SCRG1: variants seen among roughly 807,000 people sequenced by gnomAD.
SCRG1 encodes the protein stimulator of chondrogenesis 1.
A neutral mutation model predicts 7.7 loss-of-function variants in SCRG1; 3 were observed. That is an observed-to-expected ratio of 0.39 (90% CI 0.18 to 1.01). The LOEUF (loss-of-function observed/expected upper bound fraction) is 1.01, where lower values mean the gene tolerates loss of function less well. SCRG1 is among the 50% of genes least tolerant of loss of function. The pLI, the probability that SCRG1 is intolerant of heterozygous loss-of-function variation, is 0.36. For synonymous variants in SCRG1, 46 were observed against 41.2 expected (o/e 1.12, Z -0.44); for missense variants, 110 against 117.2 (o/e 0.94, Z 0.28).
chr4:173,422,705 G>A, the SCRG1 span, among the ~76,000 whole-genome samples: 1 of 152,150 alleles, frequency 6.6e-6, no homozygotes, highest in Non-Finnish European at 1.5e-5. Context: ...AAAACCATTT[G>A]AAAAGGGACA....
the SCRG1 span, among the ~76,000 whole-genome samples, chr4:173,494,922 G>A: frequency 6.6e-6 from 1 of 152,182 alleles, no homozygotes; most frequent in Non-Finnish European, 1.5e-5. Context: ...CCTATTCTGC[G>A]TAAACTTCTT....
chr4:173,454,677 A>G, the SCRG1 span, among the ~76,000 whole-genome samples: 1 of 152,258 alleles, frequency 6.6e-6, no homozygotes, highest in African/African-American at 2.4e-5. Flanking sequence ...TTTTGGGATC[A>G]GGCACTTCCC....
the SCRG1 span, among the ~76,000 whole-genome samples, chr4:173,515,434 A>AC: frequency 6.6e-6 from 1 of 151,140 alleles, no homozygotes; most frequent in South Asian, 2.1e-4. This position sits in a 1 kb window ranked among gnomAD's most constrained non-coding sequence, Gnocchi z 4.6. Context: ...AAAAAAAAAA[A>AC]CTTTAAGTTC....
the SCRG1 span, among the ~76,000 whole-genome samples, chr4:173,443,901 C>A: frequency 6.7e-6 from 1 of 149,962 alleles, no homozygotes. Context: ...GTCATATATA[C>A]TGTTAGCTTT....
upstream of SCRG1, among the ~76,000 whole-genome samples, chr4:173,402,380 T>C (rs1023813385): frequency 4.7e-4 from 72 of 152,238 alleles, 1 homozygote; most frequent in Admixed American, 4.6e-3. Flanking sequence ...AGAAACATTT[T>C]ATACAGAATT....
At chr4:173,425,010 G>A in the SCRG1 span, among the ~76,000 whole-genome samples, 5 of 152,268 alleles carry the variant, frequency 3.3e-5, no homozygotes, top group Admixed American at 3.3e-4. Flanking sequence ...TGTAGAAATT[G>A]TCAGTCATCA....
the SCRG1 span, among the ~76,000 whole-genome samples, chr4:173,442,455 C>A: frequency 6.6e-6 from 1 of 152,190 alleles, no homozygotes; most frequent in Admixed American, 6.5e-5. Flanking sequence ...TGCTCCCTGT[C>A]TAGTTCTCAT....
the SCRG1 span, among the ~76,000 whole-genome samples, chr4:173,463,524 T>A: frequency 6.6e-6 from 1 of 152,282 alleles, no homozygotes; most frequent in Admixed American, 6.5e-5. Context: ...TCTGCCCACC[T>A]TGGTTTTTAA....
the SCRG1 span, among the ~76,000 whole-genome samples, chr4:173,498,783 G>A: frequency 6.6e-6 from 1 of 152,176 alleles, no homozygotes; most frequent in Non-Finnish European, 1.5e-5. Context: ...TATACACACG[G>A]AGAGACAGAT....
At chr4:173,509,236 C>T in the SCRG1 span, among the ~76,000 whole-genome samples, 61,927 of 151,882 alleles carry the variant, frequency 0.41, 15,065 homozygotes, top group East Asian at 0.58. This position sits in a 1 kb window ranked among gnomAD's most constrained non-coding sequence, Gnocchi z 5.7. Context: ...GAGAGGGTTG[C>T]GCGCGCGCGT....
At chr4:173,512,079 C>T in the SCRG1 span, among the ~76,000 whole-genome samples, 2 of 152,346 alleles carry the variant, frequency 1.3e-5, no homozygotes, top group East Asian at 3.9e-4. Flanking sequence ...AGAGGCTGGC[C>T]AACATATGCA....
At chr4:173,423,666 T>A in the SCRG1 span, among the ~76,000 whole-genome samples, 8,684 of 52,724 alleles carry the variant, frequency 0.16, 754 homozygotes, top group African/African-American at 0.28. Context: ...CTCTTTTTTT[T>A]TAATTTTTTT....
At chr4:173,425,540 G>T in the SCRG1 span, among the ~76,000 whole-genome samples, 1 of 152,162 alleles carries the variant, frequency 6.6e-6, no homozygotes. Context: ...TCCCTAGGGG[G>T]CAGGTATGAT....
At chr4:173,448,597 A>T in the SCRG1 span, among the ~76,000 whole-genome samples, 5 of 152,248 alleles carry the variant, frequency 3.3e-5, no homozygotes, top group Admixed American at 6.5e-5. Context: ...CTCTAGCCTT[A>T]ACATCAGCAA....
At chr4:173,495,532 T>G in the SCRG1 span, among the ~76,000 whole-genome samples, 2 of 152,226 alleles carry the variant, frequency 1.3e-5, no homozygotes, top group Non-Finnish European at 2.9e-5. Flanking sequence ...ATGGGAAATA[T>G]GGGTTTGCAT....
chr4:173,506,635 T>A, the SCRG1 span, among the ~76,000 whole-genome samples: 1 of 152,120 alleles, frequency 6.6e-6, no homozygotes, highest in African/African-American at 2.4e-5. The surrounding 1 kb of genome is among the most constrained non-coding windows in gnomAD (Gnocchi z 5.3). Context: ...GCAGATTTTA[T>A]TACTTCTCTT....
the SCRG1 span, among the ~76,000 whole-genome samples, chr4:173,493,325 G>A: frequency 6.6e-6 from 1 of 152,062 alleles, no homozygotes; most frequent in Non-Finnish European, 1.5e-5. Context: ...GTTCTACCAT[G>A]GTAAGACGTG....
the SCRG1 span, among the ~76,000 whole-genome samples, chr4:173,482,612 G>A: frequency 6.6e-5 from 10 of 151,952 alleles, no homozygotes; most frequent in African/African-American, 2.4e-4. Context: ...GAGGTGAGAA[G>A]TTTGAGACCA....
upstream of SCRG1, among the ~76,000 whole-genome samples, chr4:173,399,932 A>T (rs2126921232): frequency 6.6e-6 from 1 of 152,336 alleles, no homozygotes; most frequent in East Asian, 1.9e-4. Context: ...GGTGAAAAAG[A>T]GGGTGACAAC....
Sources: gnomAD v4.1 joint callset for allele counts (sites outside exome capture counted in the v4.1 genomes callset) on GRCh38, gnomAD v4.1.1 for gene constraint, Gnocchi (gnomAD v3.1) non-coding constraint, MANE v1.5 for transcripts, NCBI Gene and HGNC (gene_info 2026-07-23, HGNC 2026-07-21) for gene names.